Variants in TCF7L2 observed in about 807,000 individuals in gnomAD.
TCF7L2 encodes transcription factor 7-like 2.
TCF7L2 carries 23 observed loss-of-function variants against 77.9 expected under a neutral mutation model. The ratio of observed to expected loss-of-function variants is 0.30; its 90% confidence interval spans 0.21 to 0.42. The LOEUF is 0.42. Ranked by LOEUF, TCF7L2 falls within the 10% of genes least tolerant of loss-of-function variation. The pLI is 1.00. For synonymous variants in TCF7L2, 413 were observed against 340.2 expected (o/e 1.21, Z -2.36); for missense variants, 654 against 793.1 (o/e 0.82, Z 2.11).
chr10:112,950,699 TGGC>T lies in TCF7L2; in HGVS notation c.-57_-55del. On this transcript the variant is annotated 5_prime_UTR_variant, in exon 1 of 14. Transcript: ENST00000627217. ...AAAACTTTTTGGGGGTGATTTTTTT[TGGC>T]TTTTCTTCCTCCTTCATTTTTCTTC... 6.6e-7 allele frequency: 1 copy of T among 1,515,314 alleles called. No individual in the cohort carries two copies. Among genetic ancestry groups the T allele is most frequent in the Non-Finnish European group, 8.8e-7 (1 of 1,135,940 alleles). 93.9% of individuals were successfully genotyped at this position (1,515,314 alleles called of 1,614,324 possible). A position where few individuals can be genotyped will look rare whatever the true frequency, so the allele number is the denominator to read the frequency against.
intron 5 of TCF7L2, among the ~76,000 whole-genome samples, chr10:113,092,663 G>A (rs1277004634): frequency 2.0e-5 from 3 of 152,106 alleles, no homozygotes; most frequent in African/African-American, 4.8e-5. Flanking sequence ...GGCAGATCAC[G>A]AAGTCAGGAG....
chr10:113,129,633 G>A lies in TCF7L2; in HGVS notation c.553-11551G>A, dbSNP rs558915575. On this transcript the variant is annotated intron_variant, in intron 5 of 13. Coordinates refer to ENST00000627217, the MANE Select transcript of TCF7L2 (RefSeq NM_001146274.2). ...CAAGATAATTCTAGGCAATATGAGC[G>A]ACAACTTTGAGCATTTTGAGCCTAC... is the stretch of plus-strand genomic sequence containing the variant. The A allele has an allele frequency of 1.0e-5, 12 of 1,174,092 alleles. No homozygotes were observed. In the East Asian group the frequency reaches 2.5e-4, roughly 25 times the overall value. 72.7% of individuals were successfully genotyped at this position (1,174,092 alleles called of 1,614,324 possible).
intron 5 of TCF7L2, among the ~76,000 whole-genome samples, chr10:113,062,787 G>A (rs144873942): frequency 1.3e-5 from 2 of 152,054 alleles, no homozygotes; most frequent in African/African-American, 4.8e-5. Context: ...GTCCCCCTGG[G>A]GTCTCTAGCC....
intron 4 of TCF7L2, among the ~76,000 whole-genome samples, chr10:112,979,211 C>T (rs960314119): frequency 3.9e-5 from 6 of 152,028 alleles, no homozygotes; most frequent in African/African-American, 7.2e-5. Flanking sequence ...GGCAATGGAC[C>T]GCCAAGACAT....
At chr10:112,961,254 A>ACCGCCCCC (rs1349844083) in intron 3 of TCF7L2, among the ~76,000 whole-genome samples, 15 of 60,486 alleles carry the variant, frequency 2.5e-4, no homozygotes, top group African/African-American at 1.3e-3. Flanking sequence ...ACCTCAGGTG[A>ACCGCCCCC]CCCCCCCCCC....
chr10:113,041,376 G>A lies in TCF7L2; in HGVS notation c.552+1250G>A, dbSNP rs147948916. Among the ~76,000 whole-genome samples, 339 of 152,258 alleles carry A rather than the reference G, an allele frequency of 2.2e-3. 2 individuals are homozygous for A. The highest frequency in any genetic ancestry group is 7.6e-3 in the African/African-American group (317 of 41,522). On this transcript the variant is annotated intron_variant, in intron 5 of 13. Transcript: ENST00000627217. Reference sequence around the variant, plus strand: ...GCTCCTATAAGGTCAAGATTTCAGGGCTGGAAGTGACCTTAGATCATTTAG... The same window carrying A: ...GCTCCTATAAGGTCAAGATTTCAGGACTGGAAGTGACCTTAGATCATTTAG...
chr10:113,072,927 A>G (rs935227211), intron 5 of TCF7L2, among the ~76,000 whole-genome samples: 3 of 152,124 alleles, frequency 2.0e-5, no homozygotes, highest in African/African-American at 7.2e-5. Flanking sequence ...TGTCCAGGTA[A>G]AAATGTGAAG....
intron 5 of TCF7L2, among the ~76,000 whole-genome samples, chr10:113,045,792 A>G (rs926773615): frequency 6.6e-6 from 1 of 152,080 alleles, no homozygotes; most frequent in Non-Finnish European, 1.5e-5. Flanking sequence ...TTATTCATTT[A>G]TCTATGACTC....
intron 4 of TCF7L2, among the ~76,000 whole-genome samples, chr10:112,979,900 C>G (rs1177512848): frequency 6.6e-6 from 1 of 152,180 alleles, no homozygotes. Context: ...ATTAGCATCT[C>G]CACCAAAAAG....
chr10:113,053,369 G>C (rs2054802243), intron 5 of TCF7L2, among the ~76,000 whole-genome samples: 1 of 152,188 alleles, frequency 6.6e-6, no homozygotes, highest in Non-Finnish European at 1.5e-5. Context: ...TTTTCAGTTG[G>C]CAAAGTAGAA....
At chr10:112,983,466 C>T (rs1290185588) in intron 4 of TCF7L2, among the ~76,000 whole-genome samples, 1 of 152,034 alleles carries the variant, frequency 6.6e-6, no homozygotes, top group Non-Finnish European at 1.5e-5. Flanking sequence ...CAGAGCGAGA[C>T]TCTGTCTCAA....
At chr10:113,074,605 A>G (rs1473858008) in intron 5 of TCF7L2, among the ~76,000 whole-genome samples, 2 of 152,092 alleles carry the variant, frequency 1.3e-5, no homozygotes, top group African/African-American at 2.4e-5. Context: ...ACACATTGAC[A>G]CCAGCACCAT....
intron 5 of TCF7L2, among the ~76,000 whole-genome samples, chr10:113,105,252 G>A (rs2135974857): frequency 6.6e-6 from 1 of 152,274 alleles, no homozygotes; most frequent in South Asian, 2.1e-4. Context: ...CTGAGTTGTT[G>A]CCTTTAGGAA....
At chr10:112,966,526 C>G (rs867854366) in intron 4 of TCF7L2, among the ~76,000 whole-genome samples, 1 of 152,040 alleles carries the variant, frequency 6.6e-6, no homozygotes, top group African/African-American at 2.4e-5. Context: ...GGTGGATGTA[C>G]CATGTCGAGG....
At chr10:113,093,314 G>A (rs2060593857) in intron 5 of TCF7L2, among the ~76,000 whole-genome samples, 1 of 152,182 alleles carries the variant, frequency 6.6e-6, no homozygotes, top group Admixed American at 6.5e-5. Flanking sequence ...TCACACAGCT[G>A]AAGGGTGAGA....
chr10:113,113,193 T>C (rs570593665), intron 5 of TCF7L2, among the ~76,000 whole-genome samples: 7 of 152,134 alleles, frequency 4.6e-5, no homozygotes, highest in Non-Finnish European at 5.9e-5. Context: ...TCCTGACAGC[T>C]TGCAGTTTCT....
At chr10:113,110,514 C>T (rs149770071) in intron 5 of TCF7L2, among the ~76,000 whole-genome samples, 1,820 of 151,878 alleles carry the variant, frequency 0.012, 12 homozygotes, top group Non-Finnish European at 0.02. Flanking sequence ...CAGCAATAAA[C>T]ATGTAGTATA....
intron 11 of TCF7L2, among the ~76,000 whole-genome samples, chr10:113,156,671 A>T (rs1235925754): frequency 6.6e-6 from 1 of 152,234 alleles, no homozygotes; most frequent in Non-Finnish European, 1.5e-5. Flanking sequence ...AACCTCGAGC[A>T]GATGGATCAG....
At chr10:112,987,432 T>C (rs1454790873) in intron 4 of TCF7L2, 2 of 150,344 alleles carry the variant, frequency 1.3e-5, no homozygotes, top group African/African-American at 2.5e-5. Context: ...TTTTTTTTTT[T>C]TCCCCCAAAT....
Sources: allele counts gnomAD v4.1 joint callset (sites outside exome capture counted in the v4.1 genomes callset), GRCh38; gene constraint gnomAD v4.1.1; transcripts MANE v1.5; gene names NCBI Gene and HGNC (gene_info 2026-07-23, HGNC 2026-07-21).